RBFOX3: variants seen among roughly 807,000 people sequenced by gnomAD.
RBFOX3 encodes RNA binding fox-1 homolog 3.
In RBFOX3, 17 loss-of-function variants were observed where a neutral mutation model predicts 48.7. The ratio of observed to expected loss-of-function variants is 0.35; its 90% CI spans 0.24 to 0.52. The LOEUF is 0.52. Ranked by LOEUF, RBFOX3 falls within the 20% of genes least tolerant of loss-of-function variation. The probability of loss-of-function intolerance (pLI) is 0.94; values close to 1 mark genes in which losing one functional copy is unlikely to be tolerated. For missense variants in RBFOX3, 382 were observed against 497.5 expected, an observed-to-expected ratio of 0.77 and a Z score of 2.21; for synonymous variants, 212 against 209.5, an observed-to-expected ratio of 1.01 and a Z score of -0.10.
intron 1 of RBFOX3, among the ~76,000 whole-genome samples, chr17:79,606,412 C>T (rs2093831339): frequency 1.3e-5 from 2 of 152,162 alleles, no homozygotes; most frequent in South Asian, 4.2e-4. Flanking sequence ...GGGGGACTCC[C>T]GTGGTACCCG....
intron 2 of RBFOX3, among the ~76,000 whole-genome samples, chr17:79,387,678 C>A (rs942744007): frequency 1.3e-5 from 2 of 152,196 alleles, no homozygotes; most frequent in African/African-American, 4.8e-5. Flanking sequence ...ACTGGGGGCC[C>A]CCAGGCTGGG....
chr17:79,091,965 A>G, intron 14 of RBFOX3: 1 of 985,444 alleles, frequency 1.0e-6, no homozygotes, highest in South Asian at 4.7e-5. Context: ...ATAAAATTTA[A>G]TGAAAAATAT....
In RBFOX3 at chr17:79,242,457, C is replaced by T. The variant is rs149957224; in HGVS notation, c.-73-6652G>A. 1.7e-3 allele frequency among the ~76,000 whole-genome samples: 256 copies of T among 151,966 alleles called. 1 individual carries two copies. The highest frequency in any genetic ancestry group is 5.6e-3 in the African/African-American group (231 of 41,404). On this transcript the variant is annotated intron_variant, in intron 3 of 14. Coordinates refer to ENST00000693108, the MANE Select transcript of RBFOX3 (RefSeq NM_001350451.2). The surrounding 1 kb of genome is among the most constrained non-coding windows in gnomAD (Gnocchi z 5.8). ...GTGGCTTAAACCTGGCTTGTGATGA[C>T]GGTGATCAGAGCAGGAGAGCCACAT...
At chr17:79,289,160 C>T (rs536970733) in intron 3 of RBFOX3, among the ~76,000 whole-genome samples, 47 of 152,294 alleles carry the variant, frequency 3.1e-4, no homozygotes, top group Non-Finnish European at 7.3e-5. Context: ...CCAGGGACAC[C>T]AGGCCTCTCC....
intron 2 of RBFOX3, among the ~76,000 whole-genome samples, chr17:79,342,836 C>T (rs2082309195): frequency 6.6e-6 from 1 of 152,204 alleles, no homozygotes; most frequent in South Asian, 2.1e-4. Context: ...TGAAGAGACT[C>T]ACTTTACAAC....
chr17:79,573,136 C>A (rs1049020888), intron 1 of RBFOX3, among the ~76,000 whole-genome samples: 3 of 152,200 alleles, frequency 2.0e-5, no homozygotes, highest in African/African-American at 7.2e-5. Context: ...TTTCTGTCCC[C>A]TCTCCCTGAA....
intron 4 of RBFOX3, among the ~76,000 whole-genome samples, chr17:79,191,295 G>T (rs956262313): frequency 6.6e-6 from 1 of 152,214 alleles, no homozygotes; most frequent in African/African-American, 2.4e-5. Flanking sequence ...CGCACCCCAG[G>T]ACTGGGAAGT....
At position 79,196,083 on chromosome 17, in the gene RBFOX3, G is replaced by A. The variant is rs532950783; in HGVS notation, c.-34+39683C>T. Among the ~76,000 whole-genome samples the A allele has an allele frequency of 3.0e-4, 45 of 152,298 alleles. No individual in the cohort carries two copies. The South Asian group carries it at 6.0e-3, about 20-fold the overall frequency. ...GGGTGAATATTATTCTTCCCATCTC[G>A]TTGGATGGAGAAGCTGAAACCCAGG... On this transcript the variant is annotated intron_variant, in intron 4 of 14. Coordinates refer to ENST00000693108, the MANE Select transcript of RBFOX3 (RefSeq NM_001350451.2).
At chr17:79,485,954 G>A (rs1340687331) in intron 1 of RBFOX3, among the ~76,000 whole-genome samples, 1 of 152,250 alleles carries the variant, frequency 6.6e-6, no homozygotes, top group Non-Finnish European at 1.5e-5. Flanking sequence ...ACTCCGCAGT[G>A]GGAAACACCA....
chr17:79,493,089 G>T (rs1340055265), intron 1 of RBFOX3, among the ~76,000 whole-genome samples: 1 of 152,134 alleles, frequency 6.6e-6, no homozygotes, highest in Non-Finnish European at 1.5e-5. Context: ...TCTGCTCCTG[G>T]TGAGGTCTCA....
At chr17:79,138,646 C>G (rs55772008) in intron 4 of RBFOX3, among the ~76,000 whole-genome samples, 1 of 86,240 alleles carries the variant, frequency 1.2e-5, no homozygotes, top group Non-Finnish European at 2.7e-5. Context: ...CACCCACACA[C>G]GCACATACAC....
chr17:79,393,963 C>G (rs1028410996), intron 2 of RBFOX3, among the ~76,000 whole-genome samples: 1 of 150,498 alleles, frequency 6.6e-6, no homozygotes, highest in Non-Finnish European at 1.5e-5. Context: ...CCGGTCACCA[C>G]GCACATCGTC....
intron 3 of RBFOX3, among the ~76,000 whole-genome samples, chr17:79,260,755 A>G (rs2065627190): frequency 6.6e-6 from 1 of 152,186 alleles, no homozygotes; most frequent in African/African-American, 2.4e-5. Flanking sequence ...GCCAAGGAAG[A>G]CGCTGTAAAG....
At chr17:79,428,312 G>T (rs112455101) in intron 2 of RBFOX3, among the ~76,000 whole-genome samples, 14 of 152,158 alleles carry the variant, frequency 9.2e-5, no homozygotes, top group African/African-American at 2.9e-4. Context: ...GGGGGAGCTC[G>T]CGGGGCAGGA....
intron 3 of RBFOX3, among the ~76,000 whole-genome samples, chr17:79,282,313 G>T (rs1172643530): frequency 6.6e-6 from 1 of 152,230 alleles, no homozygotes; most frequent in Non-Finnish European, 1.5e-5. Context: ...CGCCCTGTTG[G>T]CTGAATAAAG....
the RBFOX3 span, among the ~76,000 whole-genome samples, chr17:79,635,016 C>A: frequency 6.0e-4 from 72 of 119,288 alleles, no homozygotes; most frequent in Middle Eastern, 8.3e-3. Flanking sequence ...GCCGAGATCA[C>A]CCCACTGCAT....
chr17:79,369,000 C>T (rs1036369689), intron 2 of RBFOX3, among the ~76,000 whole-genome samples: 12 of 152,142 alleles, frequency 7.9e-5, no homozygotes, highest in Admixed American at 2.0e-4. Context: ...CGCTCACCGC[C>T]GCCTGCTATC....
chr17:79,645,193 G>A, the RBFOX3 span, among the ~76,000 whole-genome samples: 16 of 152,108 alleles, frequency 1.1e-4, no homozygotes, highest in South Asian at 2.1e-4. Context: ...CCCGCCTTTC[G>A]CTTATTCTTC....
chr17:79,180,325 G>C (rs746738668), intron 4 of RBFOX3, among the ~76,000 whole-genome samples: 1 of 152,230 alleles, frequency 6.6e-6, no homozygotes, highest in African/African-American at 2.4e-5. Context: ...TTTCCAGTGT[G>C]AAAGACTATA....
Sources: gnomAD v4.1 joint callset for allele counts (sites outside exome capture counted in the v4.1 genomes callset) on GRCh38, gnomAD v4.1.1 for gene constraint, Gnocchi (gnomAD v3.1) non-coding constraint, MANE v1.5 for transcripts, NCBI Gene and HGNC (gene_info 2026-07-23, HGNC 2026-07-21) for gene names.